GNAL: variants seen among roughly 807,000 people sequenced by gnomAD.
GNAL encodes the protein G protein subunit alpha L.
In GNAL, 18 loss-of-function variants were observed where a neutral mutation model predicts 55.1. That is an observed-to-expected ratio of 0.33 (90% CI 0.23 to 0.48). The LOEUF (loss-of-function observed/expected upper bound fraction) is 0.48, where lower values mean the gene tolerates loss of function less well. GNAL is among the 20% of genes least tolerant of loss of function. The probability of loss-of-function intolerance (pLI) is 0.99; values close to 1 mark genes in which losing one functional copy is unlikely to be tolerated. For synonymous variants in GNAL, 253 were observed against 237.0 expected (o/e 1.07, Z -0.62); for missense variants, 412 against 614.1 (o/e 0.67, Z 3.48).
chr18:11,880,839 A>T lies in GNAL; in HGVS notation c.1231-150A>T, dbSNP rs1300847250. On this transcript the variant is annotated intron_variant, in intron 11 of 11. Coordinates refer to ENST00000334049, the MANE Select transcript of GNAL (RefSeq NM_182978.4). The stretch of plus-strand genomic sequence containing the variant: ...ATCTGGGTCCTCGGCCGATGCTTGC[A>T]TTGAGACCATTCCTGCCTCTAAGTG... 3 of 754,110 alleles carry T rather than the reference A, an allele frequency of 4.0e-6. No homozygotes were observed. The Admixed American group carries it at 7.9e-5, about 20-fold the overall frequency. 46.7% of individuals were successfully genotyped at this position (754,110 alleles called of 1,614,324 possible). A position where few individuals can be genotyped will look rare whatever the true frequency, so the allele number is the denominator to read the frequency against.
chr18:11,715,460 C>CAAAAAAA (rs34339537), intron 1 of GNAL, among the ~76,000 whole-genome samples: 1 of 67,750 alleles, frequency 1.5e-5, no homozygotes, highest in African/African-American at 4.1e-5. Context: ...GACTCCATCT[C>CAAAAAAA]AAAAAAAAAA....
chr18:11,739,468 G>A (rs2032529484), intron 1 of GNAL, among the ~76,000 whole-genome samples: 1 of 152,098 alleles, frequency 6.6e-6, no homozygotes, highest in Non-Finnish European at 1.5e-5. Context: ...AAAATCACTC[G>A]ATTGGATATT....
chr18:11,749,244 G>A (rs1004866053), intron 1 of GNAL, among the ~76,000 whole-genome samples: 1 of 152,092 alleles, frequency 6.6e-6, no homozygotes, highest in Non-Finnish European at 1.5e-5. Flanking sequence ...TAAGATGTGA[G>A]CTGTGGAAAC....
chr18:11,708,334 G>A (rs900394291), intron 1 of GNAL, among the ~76,000 whole-genome samples: 1 of 152,158 alleles, frequency 6.6e-6, no homozygotes. Flanking sequence ...GAGGGCCCAG[G>A]AAAGGGAGAG....
intron 4 of GNAL, among the ~76,000 whole-genome samples, chr18:11,818,050 C>T (rs1363456797): frequency 6.7e-6 from 1 of 150,060 alleles, no homozygotes; most frequent in East Asian, 2.0e-4. Flanking sequence ...GGCAAAACCC[C>T]ATCTGTACTA....
At chr18:11,693,256 G>T (rs2143285002) in intron 1 of GNAL, among the ~76,000 whole-genome samples, 1 of 152,256 alleles carries the variant, frequency 6.6e-6, no homozygotes, top group Non-Finnish European at 1.5e-5. Context: ...AGAATAGAAT[G>T]GTGAGCTCTA....
intron 4 of GNAL, among the ~76,000 whole-genome samples, chr18:11,804,824 A>G (rs111868767): frequency 0.037 from 2,819 of 76,344 alleles, 94 homozygotes; most frequent in East Asian, 0.065. Context: ...GTGCAGTTTG[A>G]GTGGAACACG....
At position 11,885,462 on chromosome 18, in the gene GNAL, C is replaced by G; in HGVS notation, c.*4327C>G. The stretch of plus-strand genomic sequence containing the variant: ...AAGTCCACCTGGACGGTGCCCTGCC[C>G]TCGCTTCTCACATTAACTGCCCAGG... On this transcript the variant is annotated 3_prime_UTR_variant, in exon 12 of 12. Coordinates refer to ENST00000334049, the MANE Select transcript of GNAL (RefSeq NM_182978.4). 1.7e-6 allele frequency: 1 copy of G among 589,342 alleles called. No homozygotes were observed. Among genetic ancestry groups the G allele is most frequent in the Non-Finnish European group, 3.0e-6 (1 of 337,490 alleles). 36.5% of individuals were successfully genotyped at this position (589,342 alleles called of 1,614,324 possible). A position where few individuals can be genotyped will look rare whatever the true frequency, so the allele number is the denominator to read the frequency against.
chr18:11,877,314 G>A (rs866252026), intron 11 of GNAL, among the ~76,000 whole-genome samples: 13 of 152,236 alleles, frequency 8.5e-5, no homozygotes, highest in Middle Eastern at 6.8e-3. Flanking sequence ...AATTAGCTGG[G>A]TGTGGTGGCA....
chr18:11,840,325 C>T (rs2035585694), intron 5 of GNAL, among the ~76,000 whole-genome samples: 1 of 152,230 alleles, frequency 6.6e-6, no homozygotes, highest in Non-Finnish European at 1.5e-5. Context: ...AAAGAAACTG[C>T]TTTGCCATGA....
intron 4 of GNAL, among the ~76,000 whole-genome samples, chr18:11,768,639 A>C (rs1240168230): frequency 2.0e-5 from 3 of 149,636 alleles, no homozygotes; most frequent in African/African-American, 7.4e-5. Context: ...TCACGCCTGT[A>C]ATCCCAACAC....
intron 1 of GNAL, chr18:11,746,812 GGTT>G: frequency 2.1e-6 from 1 of 486,114 alleles, no homozygotes; most frequent in Non-Finnish European, 4.1e-6. Flanking sequence ...CTGATTTATT[GGTT>G]GCTGGACGAG....
intron 4 of GNAL, among the ~76,000 whole-genome samples, chr18:11,775,411 A>G (rs2033753727): frequency 6.6e-6 from 1 of 152,218 alleles, no homozygotes; most frequent in African/African-American, 2.4e-5. Flanking sequence ...ATCTCACTTA[A>G]TCCACACACA....
At chr18:11,785,294 T>TA (rs2034026431) in intron 4 of GNAL, among the ~76,000 whole-genome samples, 1 of 152,204 alleles carries the variant, frequency 6.6e-6, no homozygotes, top group Non-Finnish European at 1.5e-5. Flanking sequence ...TTTCCCATGA[T>TA]ATCATCCTTT....
At chr18:11,765,060 T>C (rs1415524812) in intron 4 of GNAL, among the ~76,000 whole-genome samples, 4 of 152,164 alleles carry the variant, frequency 2.6e-5, no homozygotes, top group Non-Finnish European at 4.4e-5. Flanking sequence ...AAAATGGAGA[T>C]GGTGAGGCTG....
At chr18:11,703,023 C>T (rs1324763468) in intron 1 of GNAL, among the ~76,000 whole-genome samples, 2 of 152,118 alleles carry the variant, frequency 1.3e-5, no homozygotes, top group South Asian at 4.1e-4. Flanking sequence ...GAAGCTGAGG[C>T]AGGAGAATGA....
At chr18:11,766,673 C>G (rs780332839) in intron 4 of GNAL, among the ~76,000 whole-genome samples, 26 of 152,176 alleles carry the variant, frequency 1.7e-4, no homozygotes, top group Non-Finnish European at 3.2e-4. Context: ...TAAATGTTTT[C>G]CAAGTGAAAT....
chr18:11,809,341 T>G (rs73403571), intron 4 of GNAL, among the ~76,000 whole-genome samples: 9,905 of 152,102 alleles, frequency 0.065, 481 homozygotes, highest in African/African-American at 0.13. Context: ...TTGCTTTTCT[T>G]GGTGATAAAA....
In GNAL at chr18:11,856,479, G is replaced by C. The variant is rs148977110; in HGVS notation, c.723-5916G>C. Among the ~76,000 whole-genome samples, 17 of 151,322 alleles carry C rather than the reference G, an allele frequency of 1.1e-4. No individual in the cohort carries two copies. In the East Asian group the frequency reaches 3.3e-3, roughly 29 times the overall value. On this transcript the variant is annotated intron_variant, in intron 5 of 11. Transcript: ENST00000334049. ...GGCAGGTAAAGCAGGCACCCTAAGC[G>C]CACAGAGTCCCAAGTATGGACACTC... is the stretch of plus-strand genomic sequence containing the variant.
Sources: gnomAD v4.1 joint callset for allele counts (sites outside exome capture counted in the v4.1 genomes callset) on GRCh38, gnomAD v4.1.1 for gene constraint, MANE v1.5 for transcripts, NCBI Gene and HGNC (gene_info 2026-07-23, HGNC 2026-07-21) for gene names.